Variants in FMN1 observed in about 807,000 individuals in gnomAD.
The protein encoded by FMN1 is formin 1.
FMN1 carries 110 observed loss-of-function variants against 132.4 expected under a neutral mutation model. The ratio of observed to expected loss-of-function variants is 0.83; its 90% confidence interval spans 0.71 to 0.97. The LOEUF (loss-of-function observed/expected upper bound fraction) is 0.97. Among genes scored for constraint, FMN1 ranks in the 50% least tolerant of loss-of-function variants. The probability of loss-of-function intolerance (pLI) is 0.00; values close to 1 mark genes in which losing one functional copy is unlikely to be tolerated. For missense variants in FMN1, 1,792 were observed against 1,705.3 expected, an observed-to-expected ratio of 1.05 and a Z score of -0.90; for synonymous variants, 722 against 651.7, an observed-to-expected ratio of 1.11 and a Z score of -1.64.
At chr15:32,856,034 G>A (rs1301612322) in intron 17 of FMN1, among the ~76,000 whole-genome samples, 1 of 152,162 alleles carries the variant, frequency 6.6e-6, no homozygotes, top group Non-Finnish European at 1.5e-5. Context: ...GGAGAAGGGA[G>A]CAATGGTCTC....
intron 12 of FMN1, 198 bp downstream of exon 12, chr15:32,908,292 T>A: frequency 2.0e-6 from 1 of 500,038 alleles, no homozygotes; most frequent in Non-Finnish European, 3.6e-6. Flanking sequence ...TGAGACACAC[T>A]GTATCCAACA....
intron 4 of FMN1, among the ~76,000 whole-genome samples, chr15:33,118,916 CAAA>C (rs200093287): frequency 1.1e-5 from 1 of 93,838 alleles, no homozygotes. Context: ...CCTTCCTTTA[CAAA>C]AAAAAAAAAA....
intron 20 of FMN1, 34 bp downstream of exon 20, chr15:32,776,801 C>T: frequency 7.4e-7 from 1 of 1,346,922 alleles, no homozygotes; most frequent in Non-Finnish European, 1.0e-6. Context: ...ATTTTCATGA[C>T]AATCGTTAGA....
chr15:33,106,379 T>TA (rs993878389), intron 4 of FMN1: 4 of 151,998 alleles, frequency 2.6e-5, no homozygotes, highest in Non-Finnish European at 4.4e-5. Flanking sequence ...GCCTTTTTTT[T>TA]AAAGTCAGCT....
chr15:33,126,872 A>ACAGT (rs1963131230), intron 4 of FMN1, among the ~76,000 whole-genome samples: 2 of 152,214 alleles, frequency 1.3e-5, no homozygotes, highest in Non-Finnish European at 2.9e-5. Context: ...ACTGATACCC[A>ACAGT]TAAATAACTG....
intron 4 of FMN1, among the ~76,000 whole-genome samples, chr15:33,137,121 A>AAAAC (rs1963807713): frequency 6.6e-6 from 1 of 151,786 alleles, no homozygotes; most frequent in Admixed American, 6.6e-5. Context: ...AAAAGACAGA[A>AAAAC]AAACATACCC....
chr15:32,886,329 G>C (rs1021932101), intron 16 of FMN1, among the ~76,000 whole-genome samples: 13 of 152,170 alleles, frequency 8.5e-5, no homozygotes, highest in Admixed American at 6.5e-4. Flanking sequence ...GTACAAAGAA[G>C]AAAAGTAACT....
chr15:33,099,606 C>T (rs1176599468), intron 4 of FMN1, among the ~76,000 whole-genome samples: 4 of 152,070 alleles, frequency 2.6e-5, no homozygotes, highest in Non-Finnish European at 4.4e-5. Context: ...GCCGTTCTTT[C>T]CAGGATGAAT....
chr15:32,871,715 CTG>C, intron 16 of FMN1, among the ~76,000 whole-genome samples: 1 of 152,270 alleles, frequency 6.6e-6, no homozygotes. Context: ...AGTGGTCAAA[CTG>C]TTTTTGGTAC....
At chr15:33,178,245 C>T (rs56871166) in intron 3 of FMN1, among the ~76,000 whole-genome samples, 10,293 of 152,156 alleles carry the variant, frequency 0.068, 431 homozygotes, top group East Asian at 0.12. Context: ...ACACAGTCAC[C>T]GCTTCACTCC....
At chr15:32,835,682 G>A (rs1030594490) in intron 17 of FMN1, among the ~76,000 whole-genome samples, 8 of 152,072 alleles carry the variant, frequency 5.3e-5, no homozygotes, top group African/African-American at 1.9e-4. Flanking sequence ...TCCTTCTTAA[G>A]TGTAACTTTG....
intron 6 of FMN1, among the ~76,000 whole-genome samples, chr15:33,043,314 A>G (rs2036527230): frequency 6.6e-6 from 1 of 152,244 alleles, no homozygotes; most frequent in African/African-American, 2.4e-5. Context: ...AACCGACTGT[A>G]GCCCACACCT....
chr15:32,817,003 C>T (rs558270196), intron 17 of FMN1, among the ~76,000 whole-genome samples: 2 of 152,064 alleles, frequency 1.3e-5, no homozygotes, highest in African/African-American at 4.8e-5. Context: ...TTAAGACTGA[C>T]GTTAACTAAA....
In FMN1 at chr15:33,163,420, G is replaced by A. The variant is rs183242293; in HGVS notation, c.-131-8375C>T. Among the ~76,000 whole-genome samples, 1,043 of 144,954 alleles carry A rather than the reference G, an allele frequency of 7.2e-3. 11 individuals carry two copies. The highest frequency in any genetic ancestry group is 0.025 in the African/African-American group (981 of 39,364). The stretch of plus-strand genomic sequence containing the variant: ...AGCGATTCTCCTGCCTCAGCCTCCC[G>A]AGTAGCTGGGATTACAGGCACGCAC... On this transcript the variant is annotated intron_variant, in intron 3 of 20. Transcript: ENST00000616417.
intron 9 of FMN1, among the ~76,000 whole-genome samples, chr15:32,952,102 T>C (rs2061667112): frequency 6.6e-6 from 1 of 152,208 alleles, no homozygotes. Flanking sequence ...AGGCTCATCC[T>C]TTCCTGCAGT....
intron 16 of FMN1, among the ~76,000 whole-genome samples, chr15:32,860,005 G>C (rs755385587): frequency 1.3e-5 from 2 of 151,846 alleles, no homozygotes; most frequent in Non-Finnish European, 2.9e-5. Context: ...ACTCTGGCCT[G>C]GGTGATAGAG....
intron 16 of FMN1, among the ~76,000 whole-genome samples, chr15:32,866,058 T>A (rs962438341): frequency 1.3e-5 from 2 of 151,752 alleles, no homozygotes; most frequent in Admixed American, 1.3e-4. Context: ...TTGAGGAACA[T>A]CACACAACGG....
intron 4 of FMN1, among the ~76,000 whole-genome samples, chr15:33,128,970 T>C (rs1963413460): frequency 1.3e-5 from 2 of 152,212 alleles, no homozygotes; most frequent in South Asian, 4.1e-4. Flanking sequence ...AGAGTGCTGA[T>C]TGGTCCATTT....
intron 4 of FMN1, among the ~76,000 whole-genome samples, chr15:33,127,792 C>G (rs556944994): frequency 1.3e-5 from 2 of 152,222 alleles, no homozygotes; most frequent in African/African-American, 4.8e-5. Context: ...AGAACTACAT[C>G]TTGCCACACA....
Sources: allele counts gnomAD v4.1 joint callset (sites outside exome capture counted in the v4.1 genomes callset), GRCh38; gene constraint gnomAD v4.1.1; transcripts MANE v1.5; gene names NCBI Gene and HGNC (gene_info 2026-07-23, HGNC 2026-07-21).